The following RBFOX1 variants were observed in gnomAD, a reference collection of about 807,000 sequenced individuals.
The protein encoded by RBFOX1 is RNA binding protein fox-1 homolog 1.
In RBFOX1, 8 loss-of-function variants were observed where a neutral mutation model predicts 57.7. The ratio of observed to expected loss-of-function variants is 0.14; its 90% CI spans 0.08 to 0.25. RBFOX1 has a LOEUF of 0.25. Ranked by LOEUF, RBFOX1 falls within the 10% of genes least tolerant of loss-of-function variation. RBFOX1 has a pLI of 1.00. For synonymous variants in RBFOX1, 326 were observed against 222.4 expected, an observed-to-expected ratio of 1.47 and a Z score of -4.15; for missense variants, 611 against 548.5, an observed-to-expected ratio of 1.11 and a Z score of -1.14.
At chr16:6,379,529 G>A (rs1441362192) in intron 2 of RBFOX1, among the ~76,000 whole-genome samples, 2 of 152,086 alleles carry the variant, frequency 1.3e-5, no homozygotes, top group East Asian at 3.9e-4. Flanking sequence ...AAAAAACTGA[G>A]TATGAGCAGA....
chr16:7,392,847 T>C (rs1597302329), intron 4 of RBFOX1, among the ~76,000 whole-genome samples: 1 of 141,912 alleles, frequency 7.0e-6, no homozygotes, highest in African/African-American at 2.7e-5. Context: ...TTGTTTTGGT[T>C]TGGTTTGGTT....
At chr16:5,383,083 G>A (rs190679899) in intron 1 of RBFOX1, among the ~76,000 whole-genome samples, 4 of 152,276 alleles carry the variant, frequency 2.6e-5, no homozygotes, top group East Asian at 3.9e-4. Flanking sequence ...TTCCAGATGC[G>A]GCACAGTCCG....
chr16:7,547,287 T>G (rs762921001), intron 5 of RBFOX1, among the ~76,000 whole-genome samples: 42 of 152,222 alleles, frequency 2.8e-4, no homozygotes, highest in Non-Finnish European at 4.0e-4. Context: ...TTAGCACCTT[T>G]CGATATGAAG....
rs532643910 is a variant in RBFOX1, at chr16:5,718,877, C to G, written c.318+119916C>G. On this transcript the variant is annotated intron_variant, in intron 3 of 19. Coordinates refer to the RBFOX1 transcript ENST00000641259. ...TGAGTGGAGACTGCACCAATTTACCCCAGTCTAGGTGACAGAGTGAGATTG... is the reference window on the plus strand; with the variant it reads ...TGAGTGGAGACTGCACCAATTTACCGCAGTCTAGGTGACAGAGTGAGATTG... Among the ~76,000 whole-genome samples the G allele has an allele frequency of 1.1e-4, 16 of 152,022 alleles. No homozygotes were observed. The South Asian group carries it at 1.7e-3, about 16-fold the overall frequency.
At chr16:5,316,686 G>A (rs1291913218) in intron 1 of RBFOX1, among the ~76,000 whole-genome samples, 1 of 152,212 alleles carries the variant, frequency 6.6e-6, no homozygotes, top group Non-Finnish European at 1.5e-5. Flanking sequence ...CAGATAGCTG[G>A]TGAAGCACTT....
chr16:5,914,752 G>A (rs569488226), intron 4 of RBFOX1, among the ~76,000 whole-genome samples: 9 of 152,082 alleles, frequency 5.9e-5, no homozygotes, highest in Non-Finnish European at 1.0e-4. Context: ...AAAAAATAGC[G>A]GGCATGGTGG....
intron 4 of RBFOX1, among the ~76,000 whole-genome samples, chr16:7,252,284 C>T (rs936241189): frequency 2.6e-5 from 4 of 152,218 alleles, no homozygotes; most frequent in African/African-American, 4.8e-5. Context: ...AGCTTTTCCT[C>T]CATTGACTTG....
intron 1 of RBFOX1, among the ~76,000 whole-genome samples, chr16:6,309,371 T>A (rs2079956140): frequency 6.6e-6 from 1 of 152,124 alleles, no homozygotes; most frequent in African/African-American, 2.4e-5. Context: ...GTACACACAG[T>A]TGCATCCTTC....
At chr16:5,869,632 C>G (rs932994467) in intron 4 of RBFOX1, among the ~76,000 whole-genome samples, 3 of 152,098 alleles carry the variant, frequency 2.0e-5, no homozygotes, top group African/African-American at 7.2e-5. Flanking sequence ...TATCTCTTGA[C>G]CACCTCGTGA....
At chr16:5,507,753 T>A (rs2043427972) in intron 2 of RBFOX1, among the ~76,000 whole-genome samples, 1 of 152,216 alleles carries the variant, frequency 6.6e-6, no homozygotes, top group Non-Finnish European at 1.5e-5. Context: ...AAAGGCCATG[T>A]GAAGACAGAG....
At position 5,575,651 on chromosome 16, in the gene RBFOX1, G is replaced by C. The variant is rs961059725; in HGVS notation, c.259-23251G>C. On this transcript the variant is annotated intron_variant, in intron 2 of 2. Coordinates refer to the RBFOX1 transcript ENST00000585867. ...TTCCAGAGGCGCATGAGACAGGCAG[G>C]AAAGTGCTACATTGTGTGGAGTGTG... Among the ~76,000 whole-genome samples the C allele has an allele frequency of 2.0e-5, 3 of 152,200 alleles. No homozygotes were observed. In the South Asian group the frequency reaches 6.2e-4, roughly 32 times the overall value.
intron 4 of RBFOX1, among the ~76,000 whole-genome samples, chr16:7,430,019 G>T (rs1430239676): frequency 2.0e-5 from 3 of 152,154 alleles, no homozygotes; most frequent in African/African-American, 7.2e-5. Context: ...TGTCATCATA[G>T]TTTTTCCCCA....
intron 4 of RBFOX1, among the ~76,000 whole-genome samples, chr16:5,877,145 T>A (rs2057632996): frequency 6.6e-6 from 1 of 152,202 alleles, no homozygotes; most frequent in African/African-American, 2.4e-5. Flanking sequence ...GGAAAAGAGA[T>A]TGTGTCTGCT....
intron 3 of RBFOX1, among the ~76,000 whole-genome samples, chr16:5,803,903 T>C (rs916038916): frequency 1.3e-5 from 2 of 152,190 alleles, no homozygotes; most frequent in Non-Finnish European, 2.9e-5. Context: ...CACCTTTGCA[T>C]ATACTGCTCT....
rs1294255574 is a variant in RBFOX1 at position 6,743,867 on chromosome 16, ACATTTTCC to A, written c.-16+89218_-16+89225del. On this transcript the variant is annotated intron_variant, in intron 3 of 15. Coordinates refer to ENST00000550418, the MANE Select transcript of RBFOX1 (RefSeq NM_018723.4). ...TCATTTATTTCTGATTATTTGTAACACATTTTCCTATACATTAATTAAGGATATTAACC... is the reference window on the plus strand; with the variant it reads ...TCATTTATTTCTGATTATTTGTAACATATACATTAATTAAGGATATTAACC... 4.1e-3 allele frequency among the ~76,000 whole-genome samples: 540 copies of A among 130,606 alleles called. 10 individuals carry two copies. Among genetic ancestry groups the A allele is most frequent in the African/African-American group, 0.016 (531 of 33,642 alleles). 85.7% of individuals were successfully genotyped at this position (130,606 alleles called of 152,430 possible). A position where few individuals can be genotyped will look rare whatever the true frequency, so the allele number is the denominator to read the frequency against.
chr16:6,053,736 T>C (rs2095581003), intron 1 of RBFOX1, among the ~76,000 whole-genome samples: 1 of 152,164 alleles, frequency 6.6e-6, no homozygotes, highest in Non-Finnish European at 1.5e-5. Context: ...TCTTAGTCTG[T>C]GCCTCACTTG....
At chr16:6,414,047 G>T (rs1256859706) in intron 2 of RBFOX1, among the ~76,000 whole-genome samples, 1 of 152,156 alleles carries the variant, frequency 6.6e-6, no homozygotes, top group Non-Finnish European at 1.5e-5. Flanking sequence ...CACAGCAAGT[G>T]CAAGACCTCA....
At chr16:6,650,533 C>G (rs1169607233) in intron 2 of RBFOX1, among the ~76,000 whole-genome samples, 2 of 152,194 alleles carry the variant, frequency 1.3e-5, no homozygotes, top group African/African-American at 4.8e-5. Flanking sequence ...GGAATACCCA[C>G]TTTGTCGAAT....
At chr16:7,708,609 T>G (rs1342351322) in intron 14 of RBFOX1, among the ~76,000 whole-genome samples, 2 of 152,310 alleles carry the variant, frequency 1.3e-5, no homozygotes, top group East Asian at 3.9e-4. Context: ...ACAGGTTCAC[T>G]TCACCCTTTC....
Sources: allele counts gnomAD v4.1 joint callset (sites outside exome capture counted in the v4.1 genomes callset), GRCh38; gene constraint gnomAD v4.1.1; transcripts MANE v1.5; gene names NCBI Gene and HGNC (gene_info 2026-07-23, HGNC 2026-07-21).